Variants in TSG101 observed in about 807,000 individuals in gnomAD.
TSG101 encodes the protein tumor susceptibility 101, also known as tumor susceptibility gene 101 protein.
TSG101 carries 19 observed loss-of-function variants against 48.5 expected under a neutral mutation model. That is an observed-to-expected ratio of 0.39 (90% CI 0.27 to 0.58). TSG101 has a LOEUF of 0.58. Among genes scored for constraint, TSG101 ranks in the 20% least tolerant of loss-of-function variants. The probability of loss-of-function intolerance (pLI) is 0.55; values close to 1 mark genes in which losing one functional copy is unlikely to be tolerated. For synonymous variants in TSG101, 174 were observed against 169.4 expected, an observed-to-expected ratio of 1.03 and a Z score of -0.21; for missense variants, 365 against 484.4, an observed-to-expected ratio of 0.75 and a Z score of 2.31.
intron 7 of TSG101, among the ~76,000 whole-genome samples, chr11:18,499,801 T>C (rs1020645465): frequency 6.6e-6 from 1 of 152,130 alleles, no homozygotes; most frequent in Admixed American, 6.6e-5. Flanking sequence ...AATGTTCAAG[T>C]GAGGGTATTT....
chr11:18,504,428 A>C (rs1470594847), intron 6 of TSG101, among the ~76,000 whole-genome samples: 1 of 133,734 alleles, frequency 7.5e-6, no homozygotes, highest in Non-Finnish European at 1.6e-5. Flanking sequence ...AAAATCAGAC[A>C]AAAAAAAAAG....
At chr11:18,487,061 C>A (rs1392610575) in intron 7 of TSG101, among the ~76,000 whole-genome samples, 1 of 141,232 alleles carries the variant, frequency 7.1e-6, no homozygotes, top group Non-Finnish European at 1.5e-5. Flanking sequence ...TAGGTGGGAA[C>A]TGAACAATGA....
chr11:18,506,057 T>C (rs920074766), intron 6 of TSG101, among the ~76,000 whole-genome samples: 1 of 152,058 alleles, frequency 6.6e-6, no homozygotes, highest in Non-Finnish European at 1.5e-5. Flanking sequence ...CCTCAGGACC[T>C]CAGGTGATCC....
intron 2 of TSG101, 61 bp downstream of exon 2, chr11:18,519,458 T>A (rs1282944463): frequency 7.4e-7 from 1 of 1,349,140 alleles, no homozygotes; most frequent in African/African-American, 1.5e-5. Flanking sequence ...AAAATTACAA[T>A]CATTAACAAA....
intron 7 of TSG101, among the ~76,000 whole-genome samples, chr11:18,501,893 G>GGGAAA (rs1849896264): frequency 6.6e-6 from 1 of 152,170 alleles, no homozygotes; most frequent in Middle Eastern, 3.2e-3. Context: ...AGGGGATAAG[G>GGGAAA]TCTAGTGGAG....
chr11:18,526,920 C>T lies in TSG101; in HGVS notation c.-104G>A. 1 of 1,320,062 alleles carries T rather than the reference C, an allele frequency of 7.6e-7. No individual in the cohort carries two copies. Among genetic ancestry groups the T allele is most frequent in the Non-Finnish European group, 1.0e-6 (1 of 960,988 alleles). The allele number at this position is 1,320,062 out of a possible 1,614,324, so 81.8% of individuals were successfully genotyped here. On this transcript the variant is annotated 5_prime_UTR_variant, in exon 1 of 10. Transcript: ENST00000251968. ...CGCACACCCCCAACCCGGCCTCAAA[C>T]AACAGGAAGTCGGCACCACTACACC...
At chr11:18,502,173 G>C (rs1288423984) in intron 7 of TSG101, among the ~76,000 whole-genome samples, 1 of 152,174 alleles carries the variant, frequency 6.6e-6, no homozygotes, top group African/African-American at 2.4e-5. Context: ...TAATGATGGT[G>C]ATCTGTTTTC....
intron 7 of TSG101, among the ~76,000 whole-genome samples, chr11:18,491,316 G>T (rs1017173801): frequency 2.0e-5 from 3 of 152,156 alleles, no homozygotes; most frequent in Non-Finnish European, 2.9e-5. Context: ...GGGCCATGCA[G>T]TGATAGGTAA....
chr11:18,490,282 G>A, intron 7 of TSG101: 1 of 551,290 alleles, frequency 1.8e-6, no homozygotes, highest in South Asian at 1.5e-5. Flanking sequence ...GTTTTCCGAT[G>A]TCCACAGAGT....
intron 4 of TSG101, among the ~76,000 whole-genome samples, chr11:18,511,888 C>T (rs1220641544): frequency 6.6e-6 from 1 of 152,034 alleles, no homozygotes; most frequent in Non-Finnish European, 1.5e-5. Flanking sequence ...TGAAATCATA[C>T]AATATATGGC....
chr11:18,505,503 T>G lies in TSG101; in HGVS notation c.548+1354A>C, dbSNP rs957496761. On this transcript the variant is annotated intron_variant, in intron 6 of 9. Transcript: ENST00000251968. Reference sequence around the variant, plus strand: ...CTTCTGGGCTCAAGCAATCCCTACCTCGGCCTCCCAAAGTGCTGGGTGGGA... The same window carrying G: ...CTTCTGGGCTCAAGCAATCCCTACCGCGGCCTCCCAAAGTGCTGGGTGGGA... Among the ~76,000 whole-genome samples the G allele has an allele frequency of 3.3e-5, 5 of 152,222 alleles. No homozygotes were observed. In the East Asian group the frequency reaches 9.7e-4, roughly 29 times the overall value.
chr11:18,484,217 GAAAT>G, intron 7 of TSG101, 145 bp from the exon 8 acceptor site: 1 of 738,442 alleles, frequency 1.4e-6, no homozygotes, highest in South Asian at 1.8e-5. Context: ...AGTTTCATGA[GAAAT>G]AATGTAAAAA....
intron 7 of TSG101, among the ~76,000 whole-genome samples, chr11:18,484,422 A>G (rs1432967957): frequency 6.6e-6 from 1 of 152,254 alleles, no homozygotes; most frequent in Non-Finnish European, 1.5e-5. Context: ...CCACTAAGGA[A>G]AAACATTTGG....
chr11:18,519,207 A>G (rs1174689209), intron 2 of TSG101, among the ~76,000 whole-genome samples: 2 of 151,788 alleles, frequency 1.3e-5, no homozygotes, highest in African/African-American at 4.8e-5. Context: ...GTTTCACCAT[A>G]TTGCCCAGGC....
At chr11:18,494,005 A>C (rs1565084956) in intron 7 of TSG101, among the ~76,000 whole-genome samples, 1 of 152,222 alleles carries the variant, frequency 6.6e-6, no homozygotes, top group Non-Finnish European at 1.5e-5. Flanking sequence ...AGTTTCTATC[A>C]ACACAATCAA....
At chr11:18,494,028 TAAAG>T (rs1485314590) in intron 7 of TSG101, among the ~76,000 whole-genome samples, 1 of 152,122 alleles carries the variant, frequency 6.6e-6, no homozygotes, top group East Asian at 1.9e-4. Context: ...AGAAAAAATT[TAAAG>T]AAAGCTATCA....
Position 18,519,541 on chromosome 11 carries a change from G to A in TSG101, c.105C>T (p.Leu35=), listed in dbSNP as rs754562641. ...CACCATATGAATCCAAAACAGGTTT[G>A]AGATCTTTGTATAGAGTAATAACAT... ...TVNVITLYKD[L]KPVLDSYVFN... The change falls in exon 2 of 10, where the codon CTC becomes CTT. Residue 35 remains leucine (L), a synonymous_variant. Transcript: ENST00000251968. 1 of 1,612,574 alleles carries A rather than the reference G, an allele frequency of 6.2e-7. No homozygotes were observed. The highest frequency in any genetic ancestry group is 1.1e-5 in the South Asian group (1 of 90,820).
intron 3 of TSG101, among the ~76,000 whole-genome samples, chr11:18,515,875 T>C (rs1850160801): frequency 6.6e-6 from 1 of 152,244 alleles, no homozygotes; most frequent in Admixed American, 6.5e-5. Context: ...ACTCCTCTGG[T>C]GAACTTAGGC....
At chr11:18,513,381 G>A (rs967328396) in intron 4 of TSG101, among the ~76,000 whole-genome samples, 7 of 151,922 alleles carry the variant, frequency 4.6e-5, no homozygotes, top group Non-Finnish European at 8.8e-5. Flanking sequence ...CTGCAGCCTC[G>A]AATTCCCAGG....
Sources: gnomAD v4.1 joint callset for allele counts (sites outside exome capture counted in the v4.1 genomes callset) on GRCh38, gnomAD v4.1.1 for gene constraint, MANE v1.5 for transcripts, NCBI Gene and HGNC (gene_info 2026-07-23, HGNC 2026-07-21) for gene names.